Variants in MAGI2 observed in about 807,000 individuals in gnomAD.
The protein encoded by MAGI2 is membrane associated guanylate kinase, WW and PDZ domain containing 2, also known as membrane-associated guanylate kinase, WW and PDZ domain-containing protein 2.
In MAGI2, 35 loss-of-function variants were observed where a neutral mutation model predicts 133.3. The observed-to-expected ratio is 0.26, with a 90% CI of 0.20 to 0.35. The LOEUF (loss-of-function observed/expected upper bound fraction) is 0.35, where lower values mean the gene tolerates loss of function less well. Ranked by LOEUF, MAGI2 falls within the 10% of genes least tolerant of loss-of-function variation. MAGI2 has a pLI of 1.00. For missense variants in MAGI2, 1,636 were observed against 1,863.4 expected, an observed-to-expected ratio of 0.88 and a Z score of 2.25; for synonymous variants, 729 against 710.6, an observed-to-expected ratio of 1.03 and a Z score of -0.41.
chr7:79,284,334 C>A (rs1290587966), intron 1 of MAGI2, among the ~76,000 whole-genome samples: 3 of 152,120 alleles, frequency 2.0e-5, no homozygotes, highest in African/African-American at 7.2e-5. Context: ...TGCACACTTA[C>A]AAATGGACAT....
chr7:78,973,253 A>T (rs1307154488), intron 2 of MAGI2, among the ~76,000 whole-genome samples: 1 of 151,878 alleles, frequency 6.6e-6, no homozygotes. Context: ...TTTACTTAAC[A>T]CAATTCTGTA....
chr7:78,765,997 G>A (rs555841865), intron 2 of MAGI2, among the ~76,000 whole-genome samples: 61 of 152,298 alleles, frequency 4.0e-4, no homozygotes, highest in Non-Finnish European at 6.8e-4. Flanking sequence ...TGAAAGAAAG[G>A]CTCTTCATAA....
At chr7:78,920,229 T>C (rs1049537506) in intron 2 of MAGI2, among the ~76,000 whole-genome samples, 3 of 152,126 alleles carry the variant, frequency 2.0e-5, no homozygotes, top group Non-Finnish European at 4.4e-5. Context: ...AATTCACATA[T>C]AGACCATGTC....
At chr7:78,752,561 C>T (rs975716531) in intron 2 of MAGI2, among the ~76,000 whole-genome samples, 1 of 152,226 alleles carries the variant, frequency 6.6e-6, no homozygotes, top group African/African-American at 2.4e-5. Context: ...CAAGGTGGCA[C>T]TGCTGCACTC....
rs150080418 is a variant in MAGI2, at chr7:78,160,147, G to T, written c.2723C>A (p.Pro908His). 221 of 1,612,838 alleles carry T rather than the reference G, an allele frequency of 1.4e-4. No individual in the cohort carries two copies. The East Asian group carries it at 3.7e-3, about 27-fold the overall frequency. ...CAGGCTGTGGGAGGCGAAGCCTTCA[G>T]GGGGAGAGGCATTGCTACTGGGGGC... ...HAAPSSNASP[P>H]EGFASHSLQT... is the part of the protein sequence containing the mutation. Residue 908 changes from proline to histidine, a missense_variant, in exon 16 of 22, where the codon CCT (proline) becomes CAT (histidine). By Grantham distance (77) the Pro-to-His change is moderately conservative (BLOSUM62 -2). Around this residue, in one of 5 missense-constraint regions of MAGI2, gnomAD observed 920 missense variants for 1,093.5 expected, o/e 0.84. Coordinates refer to ENST00000354212, the MANE Select transcript of MAGI2 (RefSeq NM_012301.4).
At chr7:78,164,696 T>C (rs1322353489) in intron 15 of MAGI2, among the ~76,000 whole-genome samples, 1 of 152,238 alleles carries the variant, frequency 6.6e-6, no homozygotes, top group African/African-American at 2.4e-5. Context: ...GAATTAGACT[T>C]TCCCTTAGGT....
chr7:78,345,046 A>C (rs924955840), intron 8 of MAGI2, among the ~76,000 whole-genome samples: 1 of 152,172 alleles, frequency 6.6e-6, no homozygotes, highest in Non-Finnish European at 1.5e-5. Context: ...CTTTGTTGTT[A>C]CATTTTGGGT....
At chr7:78,868,994 C>A (rs1260467079) in intron 2 of MAGI2, among the ~76,000 whole-genome samples, 2 of 152,188 alleles carry the variant, frequency 1.3e-5, no homozygotes, top group Non-Finnish European at 2.9e-5. Context: ...ACCTTGTGAT[C>A]CGCCCGCCTC....
intron 3 of MAGI2, among the ~76,000 whole-genome samples, chr7:78,521,999 T>C (rs1283419954): frequency 6.6e-6 from 1 of 152,190 alleles, no homozygotes; most frequent in African/African-American, 2.4e-5. Context: ...TTTTAAAAAA[T>C]AATTATGTTA....
intron 1 of MAGI2, among the ~76,000 whole-genome samples, chr7:79,264,258 T>A (rs1834286858): frequency 6.6e-6 from 1 of 152,216 alleles, no homozygotes; most frequent in Admixed American, 6.5e-5. Flanking sequence ...TAACACAGAT[T>A]TTTTTTGAGA....
chr7:78,497,722 T>TTCTATCTATCTATCTATCTATCTA (rs71517019), intron 5 of MAGI2, among the ~76,000 whole-genome samples: 3 of 97,242 alleles, frequency 3.1e-5, no homozygotes, highest in East Asian at 2.6e-4. Flanking sequence ...GAAATAACTA[T>TTCTATCTATCTATCTATCTATCTA]TCTATCTATC....
At chr7:78,493,652 C>T (rs1452468916) in intron 5 of MAGI2, among the ~76,000 whole-genome samples, 1 of 151,976 alleles carries the variant, frequency 6.6e-6, no homozygotes, top group Non-Finnish European at 1.5e-5. Context: ...GGTCTGAAAC[C>T]AGAGGCATCC....
At chr7:79,433,413 C>T (rs1413877261) in intron 1 of MAGI2, among the ~76,000 whole-genome samples, 1 of 151,960 alleles carries the variant, frequency 6.6e-6, no homozygotes, top group Non-Finnish European at 1.5e-5. Flanking sequence ...ATTAGCCGGG[C>T]GTGGTGGCAG....
intron 2 of MAGI2, among the ~76,000 whole-genome samples, chr7:78,891,076 A>G (rs1288145295): frequency 3.9e-5 from 6 of 152,310 alleles, no homozygotes; most frequent in African/African-American, 1.4e-4. Flanking sequence ...AATACAAACT[A>G]CCATCAGAGA....
intron 9 of MAGI2, among the ~76,000 whole-genome samples, chr7:78,279,124 A>G (rs546006824): frequency 6.6e-6 from 1 of 152,260 alleles, no homozygotes; most frequent in East Asian, 1.9e-4. Flanking sequence ...TTAGTCCTTT[A>G]CTTACTTGGT....
chr7:78,502,938 A>T (rs565250387), intron 4 of MAGI2, among the ~76,000 whole-genome samples: 1 of 152,318 alleles, frequency 6.6e-6, no homozygotes, highest in East Asian at 1.9e-4. Context: ...AGTTCACTGA[A>T]TCTGAGGCCA....
rs541875624 is a variant in MAGI2 at position 79,434,062 on chromosome 7, T to C, written c.301+18958A>G. Among the ~76,000 whole-genome samples, 12 of 152,206 alleles carry C rather than the reference T, an allele frequency of 7.9e-5. No homozygotes were observed. The East Asian group carries it at 1.5e-3, about 20-fold the overall frequency. On this transcript the variant is annotated intron_variant, in intron 1 of 21. Coordinates refer to ENST00000354212, the MANE Select transcript of MAGI2 (RefSeq NM_012301.4). ...TTTCCTTAGTTCTCAAATAGAACAA[T>C]TTTATTTTTCTAAAAGCCTGAAACA...
intron 1 of MAGI2, among the ~76,000 whole-genome samples, chr7:79,260,134 G>A (rs780088894): frequency 2.6e-5 from 4 of 152,160 alleles, no homozygotes; most frequent in African/African-American, 4.8e-5. Context: ...CAGGTGGATC[G>A]CTTGAACTCA....
At chr7:78,689,930 T>C (rs1303140431) in intron 2 of MAGI2, among the ~76,000 whole-genome samples, 2 of 152,128 alleles carry the variant, frequency 1.3e-5, no homozygotes, top group East Asian at 1.9e-4. Flanking sequence ...AAACCAATTA[T>C]GCAATTTTAA....
Sources: gnomAD v4.1 joint callset for allele counts (sites outside exome capture counted in the v4.1 genomes callset) on GRCh38, gnomAD v4.1.1 for gene constraint, gnomAD v4.1.1 regional missense constraint, MANE v1.5 for transcripts, NCBI Gene and HGNC (gene_info 2026-07-23, HGNC 2026-07-21) for gene names.